DMD: variants seen among roughly 807,000 people sequenced by gnomAD.
DMD encodes mutant dystrophin.
A neutral mutation model predicts 330.1 loss-of-function variants in DMD; 63 were observed. The ratio of observed to expected loss-of-function variants is 0.19; its 90% CI spans 0.16 to 0.24. The LOEUF (loss-of-function observed/expected upper bound fraction) is 0.24. DMD is among the 10% of genes least tolerant of loss of function. The pLI, the probability that DMD is intolerant of heterozygous loss-of-function variation, is 1.00. For missense variants in DMD, 3,344 were observed against 2,684.1 expected (o/e 1.25, Z -5.43); for synonymous variants, 1,223 against 959.8 (o/e 1.27, Z -5.07).
At chrX:31,573,614 ACTT>A (rs1220654657) in intron 55 of DMD, among the ~76,000 whole-genome samples, 2 of 112,227 alleles carry the variant, frequency 1.8e-5, no homozygotes, top group Admixed American at 1.9e-4. Flanking sequence ...AAAAACATCT[ACTT>A]CTTCTCCGAG....
intron 76 of DMD, among the ~76,000 whole-genome samples, chrX:31,134,576 A>C (rs187585322): frequency 0.04 from 4,395 of 110,548 alleles, 145 homozygotes; most frequent in East Asian, 0.15. Flanking sequence ...GCATGCGCCA[A>C]CACGTCCAGC....
At chrX:32,822,367 G>GGT (rs2078332062) in intron 5 of DMD, among the ~76,000 whole-genome samples, 1 of 106,915 alleles carries the variant, frequency 9.4e-6, no homozygotes, top group South Asian at 3.9e-4. Context: ...AGTTCATGTT[G>GGT]GTATATATAT....
Position 31,485,788 on chromosome X carries a change from G to T in DMD, c.8548-6685C>A, listed in dbSNP as rs141569548. Among the ~76,000 whole-genome samples the T allele has an allele frequency of 9.9e-3, 1,113 of 112,113 alleles. 6 individuals are homozygous for T. Among genetic ancestry groups the T allele is most frequent in the Non-Finnish European group, 0.014 (746 of 53,208 alleles). On this transcript the variant is annotated intron_variant, in intron 57 of 78. Transcript: ENST00000357033. ...GATGTCTTTCAATCATGTACAGCTT[G>T]CCTGGCGCTGAATTTTACCTGTATT...
At chrX:32,854,166 G>A (rs1214108408) in intron 2 of DMD, among the ~76,000 whole-genome samples, 1 of 111,291 alleles carries the variant, frequency 9.0e-6, no homozygotes, top group Non-Finnish European at 1.9e-5. Flanking sequence ...AGGAAACATT[G>A]AACTTAATCT....
chrX:33,292,679 G>C (rs958957120), intron 1 of DMD, among the ~76,000 whole-genome samples: 3 of 110,287 alleles, frequency 2.7e-5, no homozygotes, highest in African/African-American at 6.6e-5. Context: ...ATATATAGAT[G>C]AAGAAAAAAA....
chrX:31,200,264 T>G (rs1317640), intron 67 of DMD, among the ~76,000 whole-genome samples: 10,853 of 111,575 alleles, frequency 0.097, 409 homozygotes, highest in Admixed American at 0.15. Flanking sequence ...TCAGGAAAAG[T>G]AGCTGTTGTT....
At chrX:31,844,754 A>G (rs756891765) in intron 48 of DMD, among the ~76,000 whole-genome samples, 20 of 111,159 alleles carry the variant, frequency 1.8e-4, no homozygotes, top group African/African-American at 5.2e-4. Context: ...CTTTGGTTAG[A>G]TGTATTCCTA....
At chrX:33,305,592 C>G (rs1439623469) in intron 1 of DMD, among the ~76,000 whole-genome samples, 1 of 89,500 alleles carries the variant, frequency 1.1e-5, no homozygotes, top group Non-Finnish European at 2.3e-5. Context: ...AAAAAAATGC[C>G]AAATATAACT....
At chrX:31,196,942 A>C (rs1487894576) in intron 67 of DMD, among the ~76,000 whole-genome samples, 1 of 109,873 alleles carries the variant, frequency 9.1e-6, no homozygotes, top group Non-Finnish European at 1.9e-5. Flanking sequence ...ATTTGCAGAG[A>C]AACAGAATCT....
intron 1 of DMD, among the ~76,000 whole-genome samples, chrX:33,069,635 C>T (rs1306404641): frequency 9.0e-6 from 1 of 111,513 alleles, no homozygotes; most frequent in African/African-American, 3.3e-5. Context: ...GGAAAATGAG[C>T]AATAAACGAA....
intron 7 of DMD, among the ~76,000 whole-genome samples, chrX:32,720,000 G>A (rs974537726): frequency 9.2e-6 from 1 of 108,288 alleles, no homozygotes; most frequent in South Asian, 3.9e-4. Flanking sequence ...ACACACACAC[G>A]TTTTAATATT....
intron 55 of DMD, among the ~76,000 whole-genome samples, chrX:31,588,857 G>C (rs1264254655): frequency 1.0e-5 from 1 of 99,748 alleles, no homozygotes; most frequent in Non-Finnish European, 2.0e-5. Flanking sequence ...TCCATTACTA[G>C]ATAGCAAAGT....
At position 33,122,999 on chromosome X, in the gene DMD, G is replaced by C. The variant is rs141617398; in HGVS notation, c.31+88283C>G. ...CAGTCAATGATAAACTGCATATACC[G>C]CAGTGGTCCCATTTGATTATAACAC... On this transcript the variant is annotated intron_variant, in intron 1 of 78. Coordinates refer to ENST00000357033, the MANE Select transcript of DMD (RefSeq NM_004006.3). Among the ~76,000 whole-genome samples, 9 of 112,221 alleles carry C rather than the reference G, an allele frequency of 8.0e-5. No individual in the cohort carries two copies. The East Asian group carries it at 1.4e-3, about 18-fold the overall frequency.
chrX:31,569,636 A>G (rs1411255799), intron 55 of DMD, among the ~76,000 whole-genome samples: 1 of 98,414 alleles, frequency 1.0e-5, no homozygotes, highest in Non-Finnish European at 2.0e-5. Context: ...ATATACGTAT[A>G]TATATGTATA....
At chrX:32,853,919 CAGG>C (rs1232471918) in intron 2 of DMD, among the ~76,000 whole-genome samples, 1 of 110,831 alleles carries the variant, frequency 9.0e-6, no homozygotes, top group Admixed American at 9.6e-5. Flanking sequence ...CAAAAAAGAA[CAGG>C]AGTAGCTATT....
chrX:32,812,745 T>C (rs1246938724), intron 6 of DMD, among the ~76,000 whole-genome samples: 1 of 112,467 alleles, frequency 8.9e-6, no homozygotes, highest in East Asian at 2.8e-4. Context: ...CCTCCATATT[T>C]TCCAATACCC....
At chrX:31,765,922 AC>A (rs2089964798) in intron 51 of DMD, among the ~76,000 whole-genome samples, 1 of 111,242 alleles carries the variant, frequency 9.0e-6, no homozygotes, top group Admixed American at 9.6e-5. Flanking sequence ...GAAAAAAACA[AC>A]CATATACCTA....
chrX:31,134,134 T>C lies in DMD; in HGVS notation c.10982A>G (p.Glu3661Gly). 1 of 1,211,027 alleles carries C rather than the reference T, an allele frequency of 8.3e-7. No individual in the cohort carries two copies. Among genetic ancestry groups the C allele is most frequent in the South Asian group, 1.8e-5 (1 of 56,879 alleles). Residue 3661 changes from glutamate (E) to glycine (G), a missense_variant, in exon 77 of 79, where the codon GAG (glutamate) becomes GGG (glycine). By Grantham distance (98) the Glu-to-Gly change is moderately conservative (BLOSUM62 -2). Coordinates refer to ENST00000357033, the MANE Select transcript of DMD (RefSeq NM_004006.3). Reference sequence around the variant, plus strand: ...ACTAGGGAAGGAGTTGTTGAGTTGCTCCATCACCTCCTCTAACCCTGTGCT... The same window carrying C: ...ACTAGGGAAGGAGTTGTTGAGTTGCCCCATCACCTCCTCTAACCCTGTGCT... Reference protein sequence around the residue: ...DTSTGLEEVMEQLNNSFPSSR... With the variant: ...DTSTGLEEVMGQLNNSFPSSR...
chrX:32,528,949 T>C (rs1455068499), intron 17 of DMD, among the ~76,000 whole-genome samples: 4 of 96,673 alleles, frequency 4.1e-5, no homozygotes, highest in Non-Finnish European at 6.1e-5. Flanking sequence ...TCAGACGGAG[T>C]CTCGCTCTGT....
Sources: allele counts gnomAD v4.1 joint callset (sites outside exome capture counted in the v4.1 genomes callset), GRCh38; gene constraint gnomAD v4.1.1; transcripts MANE v1.5; gene names NCBI Gene and HGNC (gene_info 2026-07-23, HGNC 2026-07-21).